The following WAPL variants were observed in gnomAD, a reference collection of about 807,000 sequenced individuals.
WAPL encodes the protein WAPL cohesin release factor, also known as wings apart-like protein homolog.
Under a neutral mutation model 121.0 loss-of-function variants are expected in WAPL, and 5 were observed. The observed-to-expected ratio is 0.04, with a 90% CI of 0.02 to 0.09. The LOEUF (loss-of-function observed/expected upper bound fraction) is 0.09, where lower values mean the gene tolerates loss of function less well. Among genes scored for constraint, WAPL ranks in the 10% least tolerant of loss-of-function variants. The pLI is 1.00. For synonymous variants in WAPL, 480 were observed against 481.5 expected, an observed-to-expected ratio of 1.00 and a Z score of 0.04; for missense variants, 999 against 1,410.8, an observed-to-expected ratio of 0.71 and a Z score of 4.68.
chr10:86,520,466 G>C (rs1192055761), intron 1 of WAPL, among the ~76,000 whole-genome samples: 1 of 152,066 alleles, frequency 6.6e-6, no homozygotes, highest in Admixed American at 6.6e-5. Context: ...CCAAGCGATG[G>C]GTACAGAGAA....
chr10:86,500,443 T>A lies in WAPL; in HGVS notation c.800A>T (p.Asp267Val). 1 of 1,614,250 alleles carries A rather than the reference T, an allele frequency of 6.2e-7. No individual in the cohort carries two copies. The highest frequency in any genetic ancestry group is 8.5e-7 in the Non-Finnish European group (1 of 1,180,056). ...CAGATTTTCCAATCGATTTTTAAAATCGTCATCCTTCATCTCCAAAAGGGG... is the reference window on the plus strand; with the variant it reads ...CAGATTTTCCAATCGATTTTTAAAAACGTCATCCTTCATCTCCAAAAGGGG... ...SDPLLEMKDD[D>V]FKNRLENLNE... is the part of the protein sequence containing the mutation. Residue 267 changes from aspartate to valine, a missense_variant, in exon 3 of 19, where the codon GAT becomes GTT. By Grantham distance (152) the Asp-to-Val change is radical. This residue lies in a region of WAPL where 531 missense variants were observed against 563.1 expected (regional missense o/e 0.94). Transcript: ENST00000298767.
At chr10:86,473,771 A>G in intron 5 of WAPL, 107 bp downstream of exon 5, 1 of 853,342 alleles carries the variant, frequency 1.2e-6, no homozygotes, top group Non-Finnish European at 1.8e-6. Context: ...GCCAAAATAA[A>G]CTGTTAAATA....
intron 8 of WAPL, among the ~76,000 whole-genome samples, chr10:86,468,843 G>A (rs1040816504): frequency 6.6e-6 from 1 of 152,030 alleles, no homozygotes. Context: ...GCTCACGTCT[G>A]TAATCCCAGC....
At chr10:86,491,021 C>T (rs558651602) in intron 4 of WAPL, among the ~76,000 whole-genome samples, 152 of 151,328 alleles carry the variant, frequency 1.0e-3, no homozygotes, top group Non-Finnish European at 1.8e-3. Context: ...CGAGATCATG[C>T]CACCGCACTC....
chr10:86,438,929 C>A (rs913265949), intron 17 of WAPL, among the ~76,000 whole-genome samples: 1 of 152,120 alleles, frequency 6.6e-6, no homozygotes, highest in Non-Finnish European at 1.5e-5. Flanking sequence ...AAAACTATTT[C>A]ATTAAAGAAT....
rs538298915 is a variant in WAPL at position 86,481,957 on chromosome 10, A to G, written c.1645-7984T>C. The stretch of plus-strand genomic sequence containing the variant: ...ATGGACAGCAAACACTGTGAAGAGA[A>G]GCCAGACAAACCACCCAATGCACTG... On this transcript the variant is annotated intron_variant, in intron 4 of 18. Coordinates refer to ENST00000298767, the MANE Select transcript of WAPL (RefSeq NM_015045.5). 1.9e-3 allele frequency among the ~76,000 whole-genome samples: 284 copies of G among 152,302 alleles called. 1 individual carries two copies. Among genetic ancestry groups the G allele is most frequent in the African/African-American group, 6.4e-3 (265 of 41,574 alleles).
At chr10:86,466,890 G>C (rs1304180837) in intron 9 of WAPL, among the ~76,000 whole-genome samples, 1 of 152,030 alleles carries the variant, frequency 6.6e-6, no homozygotes, top group African/African-American at 2.4e-5. Context: ...CTGCAGAGCT[G>C]GGGTTTCACC....
intron 12 of WAPL, among the ~76,000 whole-genome samples, chr10:86,455,202 TGAGA>T (rs1374224257): frequency 1.3e-5 from 2 of 152,302 alleles, no homozygotes; most frequent in East Asian, 3.9e-4. Context: ...AACAGCTCAC[TGAGA>T]ACGGGCCATG....
chr10:86,475,936 G>A (rs749403252), intron 4 of WAPL, among the ~76,000 whole-genome samples: 4 of 152,312 alleles, frequency 2.6e-5, no homozygotes, highest in Non-Finnish European at 4.4e-5. Context: ...ATTGCAGCAC[G>A]CCTCTAGGCC....
At chr10:86,474,061 C>A in intron 4 of WAPL, 88 bp from the exon 5 acceptor site, 1 of 1,067,376 alleles carries the variant, frequency 9.4e-7, no homozygotes, top group Non-Finnish European at 1.4e-6. Context: ...TATGCATAAA[C>A]ATGTCCTAGA....
intron 2 of WAPL, among the ~76,000 whole-genome samples, chr10:86,512,897 T>A (rs2132232204): frequency 6.6e-6 from 1 of 152,252 alleles, no homozygotes; most frequent in East Asian, 1.9e-4. Context: ...AGTTTCATAA[T>A]AAACGTTTTC....
At position 86,521,654 on chromosome 10, in the gene WAPL, GGCC is replaced by G. The variant is rs1330361660; in HGVS notation, c.-315_-313del. ...CAGAGCCTGCTGTGTGCCCCCGCTG[GGCC>G]GCCGCCGCCTCCTGCGCCGCCGCTT... On this transcript the variant is annotated 5_prime_UTR_variant, in exon 1 of 19. Transcript: ENST00000298767. 10 of 462,204 alleles carry G rather than the reference GGCC, an allele frequency of 2.2e-5. No individual in the cohort carries two copies. The East Asian group carries it at 2.3e-4, about 10-fold the overall frequency. The allele number at this position is 462,204 out of a possible 1,614,324, so 28.6% of individuals were successfully genotyped here.
chr10:86,500,457 C>T lies in WAPL; in HGVS notation c.786G>A (p.Glu262=), dbSNP rs762500625. ...ILSLDSDPLL[E]MKDDDFKNRL... ...GATTTTTAAAATCGTCATCCTTCAT[C>T]TCCAAAAGGGGATCACTATCCAAAC... Residue 262 remains glutamate (E), a synonymous_variant, in exon 3 of 19, where the codon GAG becomes GAA. Transcript: ENST00000298767. 6.2e-7 allele frequency: 1 copy of T among 1,614,242 alleles called. No homozygotes were observed. The highest frequency in any genetic ancestry group is 1.1e-5 in the South Asian group (1 of 91,086).
intron 16 of WAPL, chr10:86,443,748 G>A (rs1380793099): frequency 5.4e-6 from 1 of 183,752 alleles, no homozygotes; most frequent in East Asian, 1.6e-4. Context: ...AGGGCCAGGC[G>A]TGGTGCCTCA....
chr10:86,452,105 C>T lies in WAPL; in HGVS notation c.2976G>A (p.Val992=), dbSNP rs1281978855. 6.2e-7 allele frequency: 1 copy of T among 1,613,986 alleles called. No individual in the cohort carries two copies. Among genetic ancestry groups the T allele is most frequent in the Admixed American group, 1.7e-5 (1 of 60,006 alleles). Residue 992 remains valine, a synonymous_variant, in exon 15 of 19, where the codon GTG becomes GTA. Coordinates refer to ENST00000298767, the MANE Select transcript of WAPL (RefSeq NM_015045.5). ...VLGLGLLINL[V]EYSARNRHCL... is the part of the protein sequence containing the mutation. ...AGTGCCGATTCCGAGCACTATACTC[C>T]ACTAGATTTATCAGCAGACCTAAGC...
At chr10:86,462,458 G>A (rs781528828) in intron 9 of WAPL, among the ~76,000 whole-genome samples, 1 of 152,028 alleles carries the variant, frequency 6.6e-6, no homozygotes, top group Non-Finnish European at 1.5e-5. Context: ...GCTCACACCT[G>A]TATGTAATCC....
intron 2 of WAPL, among the ~76,000 whole-genome samples, chr10:86,511,416 T>A (rs1842461945): frequency 6.6e-6 from 1 of 152,208 alleles, no homozygotes; most frequent in Non-Finnish European, 1.5e-5. Flanking sequence ...ACAGTGACAG[T>A]CTCTTCTAAA....
At chr10:86,459,466 G>T (rs187523605) in intron 11 of WAPL, among the ~76,000 whole-genome samples, 6 of 152,140 alleles carry the variant, frequency 3.9e-5, no homozygotes, top group African/African-American at 1.4e-4. Flanking sequence ...CACATGGAAC[G>T]CTACAATTTA....
At chr10:86,499,673 A>G (rs1842209524) in intron 3 of WAPL, 45 bp downstream of exon 3, 1 of 1,516,736 alleles carries the variant, frequency 6.6e-7, no homozygotes, top group Non-Finnish European at 8.8e-7. Context: ...ACTGCAGGTA[A>G]GGGGGAACTA....
Sources: gnomAD v4.1 joint callset for allele counts (sites outside exome capture counted in the v4.1 genomes callset) on GRCh38, gnomAD v4.1.1 for gene constraint, gnomAD v4.1.1 regional missense constraint, MANE v1.5 for transcripts, NCBI Gene and HGNC (gene_info 2026-07-23, HGNC 2026-07-21) for gene names.